Variants in APBA3 observed in about 807,000 individuals in gnomAD.
APBA3 encodes the protein amyloid-beta A4 precursor protein-binding family A member 3.
Under a neutral mutation model 55.9 loss-of-function variants are expected in APBA3, and 45 were observed. The observed-to-expected ratio is 0.80, with a 90% CI of 0.63 to 1.03. The LOEUF (loss-of-function observed/expected upper bound fraction) is 1.03. Among genes scored for constraint, APBA3 ranks in the 50% least tolerant of loss-of-function variants. APBA3 has a pLI of 0.00. For missense variants in APBA3, 865 were observed against 820.3 expected, an observed-to-expected ratio of 1.05 and a Z score of -0.67; for synonymous variants, 370 against 353.3, an observed-to-expected ratio of 1.05 and a Z score of -0.53.
At chr19:3,757,070 C>G (rs968324205) in intron 3 of APBA3, among the ~76,000 whole-genome samples, 1 of 152,086 alleles carries the variant, frequency 6.6e-6, no homozygotes, top group African/African-American at 2.4e-5. Context: ...CTTCTTAGAG[C>G]TATAGGTTCA....
intron 9 of APBA3, 32 bp downstream of exon 9, chr19:3,751,402 C>A: frequency 6.6e-7 from 1 of 1,515,556 alleles, no homozygotes. Flanking sequence ...CGCCCTACCC[C>A]CCCACCCCGG....
At position 3,755,566 on chromosome 19, in the gene APBA3, G is replaced by GGC. The variant is rs542244310; in HGVS notation, c.617-1227_617-1226insGC. On this transcript the variant is annotated intron_variant, in intron 3 of 10. Transcript: ENST00000316757. Reference sequence around the variant, plus strand: ...CCCAGCACTTTAGGAGGCCGGGGGGGGGGGGTGGATCACCTGAGGTCAGGA... The same window carrying GGC: ...CCCAGCACTTTAGGAGGCCGGGGGGGGCGGGGGTGGATCACCTGAGGTCAGGA... 9 of 141,646 alleles carry GGC rather than the reference G, an allele frequency of 6.4e-5. 2 individuals carry two copies. The Admixed American group carries it at 6.5e-4, about 10-fold the overall frequency. The allele number at this position is 141,646 out of a possible 1,614,324, so 8.8% of individuals were successfully genotyped here.
chr19:3,752,615 C>A lies in APBA3; in HGVS notation c.1288G>T (p.Gly430Trp). 1 of 1,586,844 alleles carries A rather than the reference C, an allele frequency of 6.3e-7. No individual in the cohort carries two copies. The highest frequency in any genetic ancestry group is 8.5e-7 in the Non-Finnish European group (1 of 1,172,084). ...AGGGCCCCCGAGCGCTCAGCAGGCC[C>A]CCCGTGCAGCAGGTTGGCGATGACG... ...TAVIANLLHG[G>W]PAERSGALSI... Residue 430 changes from glycine to tryptophan, a missense_variant, in exon 8 of 11, where the codon GGG becomes TGG. Gly to Trp is a radical substitution (Grantham distance 184, BLOSUM62 -2). Coordinates refer to ENST00000316757, the MANE Select transcript of APBA3 (RefSeq NM_004886.4).
intron 8 of APBA3, chr19:3,751,886 A>G: frequency 3.1e-6 from 1 of 322,222 alleles, no homozygotes; most frequent in Admixed American, 4.8e-5. Flanking sequence ...TCTGGGCCTC[A>G]GTTTCCCCAT....
At position 3,754,166 on chromosome 19, in the gene APBA3, TGCCCGCCCG is replaced by T; in HGVS notation, c.762+20_762+28del. On this transcript the variant is annotated intron_variant, in intron 4 of 10. Coordinates refer to ENST00000316757, the MANE Select transcript of APBA3 (RefSeq NM_004886.4). ...AGACCCAGCCTGCAGCCCACCCGCC[TGCCCGCCCG>T]GCCCCGGCCGCCCCCTCACCTTGAC... The T allele has an allele frequency of 6.5e-7, 1 of 1,545,588 alleles. No individual in the cohort carries two copies. The highest frequency in any genetic ancestry group is 1.4e-5 in the African/African-American group (1 of 72,940).
Sources: allele counts gnomAD v4.1 joint callset (sites outside exome capture counted in the v4.1 genomes callset), GRCh38; gene constraint gnomAD v4.1.1; transcripts MANE v1.5; gene names NCBI Gene and HGNC (gene_info 2026-07-23, HGNC 2026-07-21).